ATXN3: variants seen among roughly 807,000 people sequenced by gnomAD.
The protein encoded by ATXN3 is ataxin 3.
ATXN3 carries 28 observed loss-of-function variants against 58.2 expected under a neutral mutation model. That is an observed-to-expected ratio of 0.48 (90% CI 0.36 to 0.66). ATXN3 has a LOEUF of 0.66. Ranked by LOEUF, ATXN3 falls within the 30% of genes least tolerant of loss-of-function variation. The pLI is 0.00. For synonymous variants in ATXN3, 113 were observed against 138.5 expected (o/e 0.82, Z 1.29); for missense variants, 321 against 422.1 (o/e 0.76, Z 2.10).
At chr14:92,083,016 A>C in intron 7 of ATXN3, 110 bp downstream of exon 7, 1 of 1,347,956 alleles carries the variant, frequency 7.4e-7, no homozygotes, top group South Asian at 1.5e-5. Flanking sequence ...TATAAGGTCC[A>C]AAATAGAGTC....
chr14:92,065,153 T>A (rs2058164794), intron 10 of ATXN3, among the ~76,000 whole-genome samples: 1 of 152,218 alleles, frequency 6.6e-6, no homozygotes, highest in Non-Finnish European at 1.5e-5. Context: ...AAACCACTAA[T>A]ATGTTCTCTA....
Position 92,061,615 on chromosome 14 carries a change from CA to C in ATXN3, c.*2704del, listed in dbSNP as rs2057783318. The stretch of plus-strand genomic sequence containing the variant: ...ATTAAGATGTTCCCAATTAGTAAAA[CA>C]AAATGGAAATCTTTAATACACTTCT... On this transcript the variant is annotated 3_prime_UTR_variant, in exon 11 of 11. Transcript: ENST00000644486. The C allele has an allele frequency of 6.6e-6, 1 of 152,040 alleles. No homozygotes were observed. Among genetic ancestry groups the C allele is most frequent in the Admixed American group, 6.6e-5 (1 of 15,262 alleles). 9.4% of individuals were successfully genotyped at this position (152,040 alleles called of 1,614,324 possible). A position where few individuals can be genotyped will look rare whatever the true frequency, so the allele number is the denominator to read the frequency against.
chr14:92,098,741 G>T (rs969560759), intron 1 of ATXN3, among the ~76,000 whole-genome samples: 8 of 152,192 alleles, frequency 5.3e-5, no homozygotes, highest in African/African-American at 1.9e-4. Flanking sequence ...TACAGATAAT[G>T]TATACACAGT....
intron 7 of ATXN3, among the ~76,000 whole-genome samples, 179 bp from the exon 8 acceptor site, chr14:92,082,645 G>A (rs1359592965): frequency 5.8e-5 from 8 of 138,880 alleles, no homozygotes; most frequent in African/African-American, 2.8e-5. Flanking sequence ...TTTTTTTTCC[G>A]TTTCTTTTTT....
chr14:92,080,684 C>G, intron 9 of ATXN3: 1 of 376,624 alleles, frequency 2.7e-6, no homozygotes, highest in Non-Finnish European at 5.2e-6. Context: ...CAGGCGCACG[C>G]TTCCATGCCC....
At chr14:92,105,969 C>A (rs1369666247) in intron 1 of ATXN3, among the ~76,000 whole-genome samples, 1 of 152,196 alleles carries the variant, frequency 6.6e-6, no homozygotes, top group African/African-American at 2.4e-5. Context: ...TCAGGCCCTA[C>A]AGTGGGCGAG....
rs2057849499 is a variant in ATXN3, at chr14:92,062,528, TCA to T, written c.*1790_*1791del. 6.6e-6 allele frequency: 1 copy of T among 152,198 alleles called. No individual in the cohort carries two copies. Among genetic ancestry groups the T allele is most frequent in the South Asian group, 2.1e-4 (1 of 4,832 alleles). The allele number at this position is 152,198 out of a possible 1,614,324, so 9.4% of individuals were successfully genotyped here. A position where few individuals can be genotyped will look rare whatever the true frequency, so the allele number is the denominator to read the frequency against. On this transcript the variant is annotated 3_prime_UTR_variant, in exon 11 of 11. Coordinates refer to ENST00000644486, the MANE Select transcript of ATXN3 (RefSeq NM_004993.6). ...CACTGGTAATAATTAACATAAATGT[TCA>T]GTCTTAAAATATTTAGCTTTTTAAA...
chr14:92,091,659 AAGTGACATATAAT>A (rs551303066), intron 5 of ATXN3, among the ~76,000 whole-genome samples: 1,742 of 152,228 alleles, frequency 0.011, 16 homozygotes, highest in Non-Finnish European at 0.017. Context: ...ATTGGGGTAT[AAGTGACATATAAT>A]AAACTGCACA....
At chr14:92,089,701 A>G (rs2140972314) in intron 5 of ATXN3, among the ~76,000 whole-genome samples, 2 of 152,310 alleles carry the variant, frequency 1.3e-5, no homozygotes, top group Middle Eastern at 6.8e-3. Context: ...CCCTCCCAAA[A>G]GAATAAAAAT....
rs1407627436 is a variant in ATXN3, at chr14:92,058,797, C to T, written c.*5523G>A. ...CTGCCACAGTGCACTTGTATCATGG[C>T]CAAACAACAATGCTTTTTGTTTCAG... is the stretch of plus-strand genomic sequence containing the variant. On this transcript the variant is annotated 3_prime_UTR_variant, in exon 11 of 11. Coordinates refer to ENST00000644486, the MANE Select transcript of ATXN3 (RefSeq NM_004993.6). 1 of 152,120 alleles carries T rather than the reference C, an allele frequency of 6.6e-6. No individual in the cohort carries two copies. Among genetic ancestry groups the T allele is most frequent in the Admixed American group, 6.6e-5 (1 of 15,264 alleles). The allele number at this position is 152,120 out of a possible 1,614,324, so 9.4% of individuals were successfully genotyped here.
At chr14:92,093,372 T>A (rs1374067121) in intron 4 of ATXN3, 54 bp from the exon 5 acceptor site, 1 of 855,882 alleles carries the variant, frequency 1.2e-6, no homozygotes, top group Non-Finnish European at 1.8e-6. Context: ...ATATTTATGT[T>A]GTCTACTGGC....
chr14:92,077,264 C>T (rs2060569227), intron 9 of ATXN3, among the ~76,000 whole-genome samples: 1 of 152,080 alleles, frequency 6.6e-6, no homozygotes, highest in South Asian at 2.1e-4. Context: ...ATGAGTACAA[C>T]ACTTACAAGG....
intron 7 of ATXN3, among the ~76,000 whole-genome samples, chr14:92,082,853 T>C (rs1243225290): frequency 6.6e-6 from 1 of 152,088 alleles, no homozygotes; most frequent in Non-Finnish European, 1.5e-5. Context: ...TTTTGCCATG[T>C]TGCCCAGGCT....
At chr14:92,100,503 A>G (rs2066524918) in intron 1 of ATXN3, among the ~76,000 whole-genome samples, 1 of 152,176 alleles carries the variant, frequency 6.6e-6, no homozygotes, top group South Asian at 2.1e-4. Context: ...ATACTAGATA[A>G]CAATGAGGAT....
intron 10 of ATXN3, among the ~76,000 whole-genome samples, chr14:92,068,603 T>C (rs1310125919): frequency 6.6e-6 from 1 of 151,914 alleles, no homozygotes; most frequent in Non-Finnish European, 1.5e-5. Context: ...TTTTTTTTTC[T>C]TTTTGAGACA....
chr14:92,070,746 T>A lies in ATXN3; in HGVS notation c.991+189A>T, dbSNP rs866704663. Reference sequence around the variant, plus strand: ...CAGATGTGAGCCACCACATCTAGCTTTTTTTTTTTTTTTTCTTTTGGTAAC... The same window carrying A: ...CAGATGTGAGCCACCACATCTAGCTATTTTTTTTTTTTTTCTTTTGGTAAC... On this transcript the variant is annotated intron_variant, in intron 10 of 10. Transcript: ENST00000644486. 18 of 984,272 alleles carry A rather than the reference T, an allele frequency of 1.8e-5. No individual in the cohort carries two copies. The South Asian group carries it at 3.5e-4, about 19-fold the overall frequency. 61.0% of individuals were successfully genotyped at this position (984,272 alleles called of 1,614,324 possible).
chr14:92,098,594 T>TA (rs1466487072), intron 1 of ATXN3, among the ~76,000 whole-genome samples: 2 of 151,798 alleles, frequency 1.3e-5, no homozygotes, highest in African/African-American at 4.8e-5. Flanking sequence ...TCTCCAAAAA[T>TA]AAAAATAAAA....
At position 92,070,949 on chromosome 14, in the gene ATXN3, A is replaced by G; in HGVS notation, c.977T>C (p.Leu326Pro). The G allele has an allele frequency of 1.3e-6, 2 of 1,546,452 alleles. No individual in the cohort carries two copies. The highest frequency in any genetic ancestry group is 1.7e-6 in the Non-Finnish European group (2 of 1,149,072). ...GCAGGCCTTACCTAGATCACTCCCAAGTGCTCCTGAACTGGTGGCTGGCCT... is the reference window on the plus strand; with the variant it reads ...GCAGGCCTTACCTAGATCACTCCCAGGTGCTCCTGAACTGGTGGCTGGCCT... ...CERPATSSGA[L>P]GSDLGDAMSE... is the part of the protein sequence containing the mutation. The change falls in exon 10 of 11, where the codon CTT becomes CCT. Residue 326 changes from leucine to proline, a missense_variant. By Grantham distance (98) the Leu-to-Pro change is moderately conservative. Coordinates refer to ENST00000644486, the MANE Select transcript of ATXN3 (RefSeq NM_004993.6).
intron 9 of ATXN3, 134 bp from the exon 10 acceptor site, chr14:92,071,187 G>A (rs1444235608): frequency 7.6e-7 from 1 of 1,318,948 alleles, no homozygotes; most frequent in Non-Finnish European, 1.1e-6. Context: ...AAGAATGCAA[G>A]AGCAGTTAGT....
Sources: gnomAD v4.1 joint callset for allele counts (sites outside exome capture counted in the v4.1 genomes callset) on GRCh38, gnomAD v4.1.1 for gene constraint, MANE v1.5 for transcripts, NCBI Gene and HGNC (gene_info 2026-07-23, HGNC 2026-07-21) for gene names.